CARMIL1: variants seen among roughly 807,000 people sequenced by gnomAD.
CARMIL1 encodes the protein capping protein regulator and myosin 1 linker 1, also known as F-actin-uncapping protein LRRC16A.
Under a neutral mutation model 177.1 loss-of-function variants are expected in CARMIL1, and 90 were observed. The observed-to-expected ratio is 0.51, with a 90% CI of 0.43 to 0.61. The LOEUF (loss-of-function observed/expected upper bound fraction) is 0.61. Among genes scored for constraint, CARMIL1 ranks in the 20% least tolerant of loss-of-function variants. The probability of loss-of-function intolerance (pLI) is 0.00; values close to 1 mark genes in which losing one functional copy is unlikely to be tolerated. For missense variants in CARMIL1, 1,380 were observed against 1,667.0 expected (o/e 0.83, Z 3.00); for synonymous variants, 577 against 606.2 (o/e 0.95, Z 0.71).
At chr6:25,383,350 A>T (rs1791792741) in intron 2 of CARMIL1, among the ~76,000 whole-genome samples, 1 of 152,158 alleles carries the variant, frequency 6.6e-6, no homozygotes, top group Admixed American at 6.5e-5. Context: ...TGAAGTGAAA[A>T]ACAAAAATAA....
Position 25,610,041 on chromosome 6 carries a change from T to C in CARMIL1, c.3848-9T>C, listed in dbSNP as rs748350417. On this transcript the variant is annotated splice_polypyrimidine_tract_variant and intron_variant, in intron 35 of 36. Transcript: ENST00000329474. ...GAACAGTTTGATTCACGTGTTTGTG[T>C]CTCCTTAGATGACATTCCAGACTCT... The C allele has an allele frequency of 3.7e-5, 60 of 1,611,074 alleles. No individual in the cohort carries two copies. Among genetic ancestry groups the C allele is most frequent in the Middle Eastern group, 1.7e-4 (1 of 6,054 alleles).
At chr6:25,401,208 C>G (rs372325509) in intron 2 of CARMIL1, among the ~76,000 whole-genome samples, 1 of 152,038 alleles carries the variant, frequency 6.6e-6, no homozygotes. Flanking sequence ...TGTCTCAGCT[C>G]TTAATTAATA....
intron 11 of CARMIL1, among the ~76,000 whole-genome samples, chr6:25,477,942 A>G (rs757188362): frequency 5.0e-5 from 7 of 140,348 alleles, no homozygotes; most frequent in African/African-American, 8.1e-5. Context: ...TGCAACCTCC[A>G]TTTCCTGGGC....
chr6:25,491,281 G>A (rs1353000578), intron 13 of CARMIL1, among the ~76,000 whole-genome samples: 2 of 152,088 alleles, frequency 1.3e-5, no homozygotes, highest in Admixed American at 6.6e-5. Flanking sequence ...TCATTATGTC[G>A]GACAGAAGAG....
chr6:25,444,305 A>G (rs1241901760), intron 5 of CARMIL1, among the ~76,000 whole-genome samples: 2 of 151,824 alleles, frequency 1.3e-5, no homozygotes, highest in Non-Finnish European at 2.9e-5. Flanking sequence ...ATCATTTGTT[A>G]TGACTCAAGG....
Position 25,279,760 on chromosome 6 carries a change from T to A in CARMIL1, c.-36T>A. 6.2e-7 allele frequency: 1 copy of A among 1,610,678 alleles called. No homozygotes were observed. The highest frequency in any genetic ancestry group is 8.5e-7 in the Non-Finnish European group (1 of 1,176,950). The stretch of plus-strand genomic sequence containing the variant: ...AGGGCAGGGGGCCATAAATCAGAGT[T>A]GGACCTGCAATAACCCCCACACCTA... On this transcript the variant is annotated 5_prime_UTR_variant, in exon 1 of 37. Coordinates refer to ENST00000329474, the MANE Select transcript of CARMIL1 (RefSeq NM_017640.6).
At chr6:25,487,596 T>C (rs1802793310) in intron 12 of CARMIL1, among the ~76,000 whole-genome samples, 1 of 152,208 alleles carries the variant, frequency 6.6e-6, no homozygotes, top group Non-Finnish European at 1.5e-5. Context: ...ATTCCCATTA[T>C]GCTAAGTAAA....
intron 26 of CARMIL1, among the ~76,000 whole-genome samples, chr6:25,547,973 T>C (rs1336633443): frequency 2.0e-5 from 3 of 152,096 alleles, no homozygotes; most frequent in African/African-American, 4.8e-5. Context: ...AGTACAGATG[T>C]TTTATTCTGG....
At chr6:25,428,833 T>C (rs1796489276) in intron 4 of CARMIL1, among the ~76,000 whole-genome samples, 1 of 152,212 alleles carries the variant, frequency 6.6e-6, no homozygotes, top group South Asian at 2.1e-4. Context: ...TGTCTCTTGC[T>C]GGTATTAGAA....
intron 32 of CARMIL1, among the ~76,000 whole-genome samples, chr6:25,595,283 T>C (rs1161392973): frequency 6.6e-6 from 1 of 152,170 alleles, no homozygotes; most frequent in Non-Finnish European, 1.5e-5. Context: ...CCTTGAGATA[T>C]CAAATTCAGG....
chr6:25,546,301 T>C (rs978963128), intron 26 of CARMIL1, among the ~76,000 whole-genome samples: 19 of 152,006 alleles, frequency 1.2e-4, no homozygotes, highest in Middle Eastern at 3.4e-3. Flanking sequence ...CGAAGAAAAA[T>C]TATCAGAATT....
intron 33 of CARMIL1, among the ~76,000 whole-genome samples, chr6:25,604,532 T>C (rs1815749007): frequency 6.6e-6 from 1 of 152,100 alleles, no homozygotes; most frequent in Non-Finnish European, 1.5e-5. Flanking sequence ...CCACTGACTT[T>C]CCCTGGCCCC....
intron 26 of CARMIL1, among the ~76,000 whole-genome samples, chr6:25,548,415 G>T (rs1207727268): frequency 6.6e-6 from 1 of 152,194 alleles, no homozygotes; most frequent in African/African-American, 2.4e-5. Flanking sequence ...ATACTTTGCA[G>T]TTGACCTTTC....
chr6:25,517,519 G>A, intron 22 of CARMIL1, 104 bp downstream of exon 22: 4 of 814,328 alleles, frequency 4.9e-6, no homozygotes, highest in Non-Finnish European at 7.9e-6. Flanking sequence ...TTGGGGATCA[G>A]AAGATCTGGG....
intron 2 of CARMIL1, among the ~76,000 whole-genome samples, chr6:25,349,215 A>C (rs776284476): frequency 6.6e-6 from 1 of 152,156 alleles, no homozygotes; most frequent in Non-Finnish European, 1.5e-5. Context: ...GCATTCTCTC[A>C]ATCAGACTGG....
At chr6:25,463,020 A>C (rs545865571) in intron 8 of CARMIL1, among the ~76,000 whole-genome samples, 1 of 152,330 alleles carries the variant, frequency 6.6e-6, no homozygotes, top group East Asian at 1.9e-4. Context: ...ATGGTAGGCA[A>C]ACCATGCCAA....
chr6:25,285,300 T>G (rs899841422), intron 2 of CARMIL1, among the ~76,000 whole-genome samples: 5 of 152,346 alleles, frequency 3.3e-5, no homozygotes, highest in African/African-American at 1.2e-4. Context: ...CATGTTGGTT[T>G]AATTACTTAA....
rs1759576434 is a variant in CARMIL1 at position 25,619,639 on chromosome 6, G to T, written c.*56G>T. 2 of 1,529,438 alleles carry T rather than the reference G, an allele frequency of 1.3e-6. No homozygotes were observed. The highest frequency in any genetic ancestry group is 1.8e-6 in the Non-Finnish European group (2 of 1,138,374). 94.7% of individuals were successfully genotyped at this position (1,529,438 alleles called of 1,614,324 possible). A position where few individuals can be genotyped will look rare whatever the true frequency, so the allele number is the denominator to read the frequency against. On this transcript the variant is annotated 3_prime_UTR_variant, in exon 37 of 37. Transcript: ENST00000329474. ...GGGTGCTTTGGTAGCCATCAGAGAG[G>T]AACCAAGGGCAACATCTTTTCTTCC...
At chr6:25,505,745 G>C (rs1695708566) in intron 17 of CARMIL1, among the ~76,000 whole-genome samples, 2 of 152,154 alleles carry the variant, frequency 1.3e-5, no homozygotes, top group South Asian at 4.1e-4. Context: ...GAGCTACTAT[G>C]CCTGGCCATG....
Sources: gnomAD v4.1 joint callset for allele counts (sites outside exome capture counted in the v4.1 genomes callset) on GRCh38, gnomAD v4.1.1 for gene constraint, MANE v1.5 for transcripts, NCBI Gene and HGNC (gene_info 2026-07-23, HGNC 2026-07-21) for gene names.